CNIH3: variants seen among roughly 807,000 people sequenced by gnomAD.
CNIH3 encodes cornichon family AMPA receptor auxiliary protein 3.
In CNIH3, 14 loss-of-function variants were observed where a neutral mutation model predicts 24.1. That is an observed-to-expected ratio of 0.58 (90% CI 0.38 to 0.91). CNIH3 has a LOEUF of 0.91. Ranked by LOEUF, CNIH3 falls within the 40% of genes least tolerant of loss-of-function variation. CNIH3 has a pLI of 0.00. For synonymous variants in CNIH3, 68 were observed against 73.8 expected (o/e 0.92, Z 0.40); for missense variants, 178 against 196.8 (o/e 0.90, Z 0.57).
chr1:224,732,638 T>C (rs1216207946), intron 4 of CNIH3, among the ~76,000 whole-genome samples: 1 of 152,204 alleles, frequency 6.6e-6, no homozygotes, highest in Non-Finnish European at 1.5e-5. Flanking sequence ...CCCCAGGGGC[T>C]GGCTCTTCTC....
At chr1:224,519,996 G>A (rs1212615717) in intron 1 of CNIH3, among the ~76,000 whole-genome samples, 2 of 152,158 alleles carry the variant, frequency 1.3e-5, no homozygotes, top group Non-Finnish European at 2.9e-5. Flanking sequence ...ATTGACTAGT[G>A]CTAGTTTAGA....
At chr1:224,646,098 C>T (rs1462743484) in intron 1 of CNIH3, among the ~76,000 whole-genome samples, 1 of 152,132 alleles carries the variant, frequency 6.6e-6, no homozygotes, top group Non-Finnish European at 1.5e-5. Flanking sequence ...AAGGCCCAGT[C>T]CTCGATCTCA....
In CNIH3 at chr1:224,703,901, G is replaced by T. The variant is rs1013577233; in HGVS notation, c.198+19058G>T. On this transcript the variant is annotated intron_variant, in intron 3 of 5. Coordinates refer to ENST00000272133, the MANE Select transcript of CNIH3 (RefSeq NM_152495.2). This position sits in a 1 kb window ranked among gnomAD's most constrained non-coding sequence, Gnocchi z 4.2. The stretch of plus-strand genomic sequence containing the variant: ...ATTCTCCCTGCAGCACACCTGAGTC[G>T]CTGCTGCTCTGCAGGCCTCCCACCT... 6.6e-6 allele frequency among the ~76,000 whole-genome samples: 1 copy of T among 152,190 alleles called. No individual in the cohort carries two copies.
At chr1:224,576,367 T>C (rs1198223460) in intron 4 of CNIH3, among the ~76,000 whole-genome samples, 1 of 152,234 alleles carries the variant, frequency 6.6e-6, no homozygotes, top group Admixed American at 6.5e-5. Context: ...AGCGAAGAGC[T>C]TGATGGGAGT....
downstream of CNIH3, among the ~76,000 whole-genome samples, chr1:224,539,320 A>G (rs1337304659): frequency 6.6e-6 from 1 of 152,102 alleles, no homozygotes; most frequent in Non-Finnish European, 1.5e-5. Context: ...CAAATCATCA[A>G]TTGCCAAGTT....
chr1:224,543,732 C>T (rs978246931), intron 2 of CNIH3, among the ~76,000 whole-genome samples: 1 of 152,230 alleles, frequency 6.6e-6, no homozygotes, highest in Non-Finnish European at 1.5e-5. Context: ...CCTCCCTCTA[C>T]TCTCCTCCAT....
intron 1 of CNIH3, among the ~76,000 whole-genome samples, chr1:224,618,143 C>G (rs1486703396): frequency 2.0e-5 from 3 of 152,214 alleles, no homozygotes; most frequent in Non-Finnish European, 1.5e-5. Flanking sequence ...CGCAGGAGTG[C>G]GTACGCCGGT....
At chr1:224,594,291 T>G (rs1681886858) in intron 3 of CNIH3, among the ~76,000 whole-genome samples, 1 of 152,176 alleles carries the variant, frequency 6.6e-6, no homozygotes, top group Non-Finnish European at 1.5e-5. Flanking sequence ...CCCCCGCTTG[T>G]CTGGAAGGGG....
chr1:224,437,046 T>C (rs1674700083), intron 1 of CNIH3: 1 of 152,200 alleles, frequency 6.6e-6, no homozygotes, highest in South Asian at 2.1e-4. Context: ...CTAGCCGTCA[T>C]TGTGGGTGTC....
At chr1:224,547,780 G>A (rs749795742) in intron 3 of CNIH3, among the ~76,000 whole-genome samples, 10 of 151,832 alleles carry the variant, frequency 6.6e-5, no homozygotes, top group Admixed American at 2.6e-4. Context: ...TACCGAATGA[G>A]ATATTACTTC....
chr1:224,575,442 A>T (rs1474091372), intron 4 of CNIH3: 65 of 674,078 alleles, frequency 9.6e-5, no homozygotes, highest in Non-Finnish European at 1.2e-4. Flanking sequence ...TTTCTGTCTC[A>T]TTTTTTTTTT....
exon 1 of CNIH3, chr1:224,434,767 G>A (rs1674565270): frequency 1.1e-5 from 11 of 986,422 alleles, no homozygotes; most frequent in Non-Finnish European, 1.3e-5. Context: ...GCTCCCTGGT[G>A]TGTTGATTCT....
chr1:224,671,498 C>A (rs1685864161), intron 1 of CNIH3, among the ~76,000 whole-genome samples: 1 of 152,172 alleles, frequency 6.6e-6, no homozygotes, highest in Non-Finnish European at 1.5e-5. Flanking sequence ...GACTGCATGG[C>A]CCAATGGAGG....
intron 1 of CNIH3, among the ~76,000 whole-genome samples, chr1:224,499,070 T>C (rs1225404211): frequency 6.6e-6 from 1 of 152,228 alleles, no homozygotes; most frequent in Non-Finnish European, 1.5e-5. Context: ...AGATCAGTGA[T>C]TCACAAACTT....
At chr1:224,468,069 T>G (rs998345247) in intron 1 of CNIH3, among the ~76,000 whole-genome samples, 3 of 152,218 alleles carry the variant, frequency 2.0e-5, no homozygotes, top group African/African-American at 4.8e-5. Flanking sequence ...CTTCCACCAG[T>G]ACTCTACTGT....
downstream of CNIH3, among the ~76,000 whole-genome samples, chr1:224,539,848 T>C (rs1679443757): frequency 6.6e-6 from 1 of 152,234 alleles, no homozygotes; most frequent in South Asian, 2.1e-4. Flanking sequence ...TTGCTTATTT[T>C]CTATTCTAGT....
intron 1 of CNIH3, among the ~76,000 whole-genome samples, chr1:224,676,146 C>T (rs991787236): frequency 6.6e-6 from 1 of 152,230 alleles, no homozygotes; most frequent in African/African-American, 2.4e-5. Flanking sequence ...CAATGGAATA[C>T]TACTTGGCAG....
intron 1 of CNIH3, among the ~76,000 whole-genome samples, chr1:224,656,570 C>T (rs1042192284): frequency 6.6e-6 from 1 of 152,106 alleles, no homozygotes; most frequent in Non-Finnish European, 1.5e-5. Context: ...GTTCACAAGA[C>T]CATGACTCTT....
At chr1:224,606,816 A>C (rs1682446583) in intron 3 of CNIH3, among the ~76,000 whole-genome samples, 1 of 152,036 alleles carries the variant, frequency 6.6e-6, no homozygotes, top group East Asian at 1.9e-4. Flanking sequence ...CTCAGGAGGA[A>C]CCAGTGTGGA....
Sources: allele counts gnomAD v4.1 joint callset (sites outside exome capture counted in the v4.1 genomes callset), GRCh38; gene constraint gnomAD v4.1.1; non-coding constraint Gnocchi (gnomAD v3.1); transcripts MANE v1.5; gene names NCBI Gene and HGNC (gene_info 2026-07-23, HGNC 2026-07-21).